The following HMGCLL1 variants were observed in gnomAD, a reference collection of about 807,000 sequenced individuals.
The protein encoded by HMGCLL1 is 3-hydroxymethyl-3-methylglutaryl-CoA lyase, cytoplasmic.
Under a neutral mutation model 39.1 loss-of-function variants are expected in HMGCLL1, and 36 were observed. The ratio of observed to expected loss-of-function variants is 0.92; its 90% CI spans 0.71 to 1.22. The LOEUF is 1.22. Ranked by LOEUF, HMGCLL1 falls within the 50% of genes most tolerant of loss-of-function variation. The pLI, the probability that HMGCLL1 is intolerant of heterozygous loss-of-function variation, is 0.00. For missense variants in HMGCLL1, 451 were observed against 416.5 expected (o/e 1.08, Z -0.72); for synonymous variants, 149 against 144.0 (o/e 1.03, Z -0.25).
At chr6:55,597,244 A>G in the HMGCLL1 span, among the ~76,000 whole-genome samples, 1 of 152,128 alleles carries the variant, frequency 6.6e-6, no homozygotes, top group South Asian at 2.1e-4. Flanking sequence ...TTTCAATTTA[A>G]AAATTCTGAA....
At chr6:55,450,056 T>G (rs1291708583) in intron 7 of HMGCLL1, among the ~76,000 whole-genome samples, 1 of 152,160 alleles carries the variant, frequency 6.6e-6, no homozygotes, top group African/African-American at 2.4e-5. Flanking sequence ...GAGGTTCAAA[T>G]CCTGGGTTTT....
At chr6:55,556,240 TA>T (rs2127467908) in intron 1 of HMGCLL1, among the ~76,000 whole-genome samples, 1 of 152,188 alleles carries the variant, frequency 6.6e-6, no homozygotes, top group African/African-American at 2.4e-5. Context: ...ATAAGTGTTA[TA>T]AAAACAAAGA....
intron 1 of HMGCLL1, among the ~76,000 whole-genome samples, chr6:55,567,038 A>G (rs1263183929): frequency 2.6e-5 from 4 of 152,252 alleles, no homozygotes; most frequent in African/African-American, 9.6e-5. Flanking sequence ...AGAAAACTAA[A>G]TAAAATATAG....
the HMGCLL1 span, among the ~76,000 whole-genome samples, chr6:55,606,903 G>GGA: frequency 5.3e-5 from 8 of 151,964 alleles, no homozygotes; most frequent in African/African-American, 1.9e-4. Context: ...ACAGTGAAAG[G>GGA]GAGAGAGAGA....
chr6:55,574,259 A>C lies in HMGCLL1; in HGVS notation c.108+4689T>G, dbSNP rs192166776. 1.1e-3 allele frequency among the ~76,000 whole-genome samples: 164 copies of C among 152,100 alleles called. 6 individuals carry two copies. The highest frequency in any genetic ancestry group is 0.011 in the Admixed American group (163 of 15,266). On this transcript the variant is annotated intron_variant, in intron 1 of 8. Coordinates refer to ENST00000274901, the MANE Select transcript of HMGCLL1 (RefSeq NM_001042406.2). ...CTGGTTGAAGGAAAGTAATCTGAGGAAAAAATGGAGATGAAGAAAGGAATA... is the reference window on the plus strand; with the variant it reads ...CTGGTTGAAGGAAAGTAATCTGAGGCAAAAATGGAGATGAAGAAAGGAATA...
At chr6:55,440,547 A>T (rs1189347388) in intron 7 of HMGCLL1, among the ~76,000 whole-genome samples, 2 of 152,154 alleles carry the variant, frequency 1.3e-5, no homozygotes. Context: ...TATGAGAAGA[A>T]CAGAGGCAGG....
chr6:55,492,482 T>C (rs7760079), intron 7 of HMGCLL1, among the ~76,000 whole-genome samples: 80,354 of 152,082 alleles, frequency 0.53, 21,490 homozygotes, highest in African/African-American at 0.63. Context: ...ATGTGGCTGT[T>C]TTTCATAAAC....
chr6:55,582,415 A>C (rs1011471503), upstream of HMGCLL1, among the ~76,000 whole-genome samples: 3 of 152,292 alleles, frequency 2.0e-5, no homozygotes, highest in African/African-American at 7.2e-5. Context: ...TTTTGAAAAT[A>C]TATATCTGAT....
chr6:55,579,192 CGCACT>C, upstream of HMGCLL1: 1 of 675,562 alleles, frequency 1.5e-6, no homozygotes, highest in Non-Finnish European at 2.5e-6. Context: ...AGCTGTTCTG[CGCACT>C]GCGGCGGCGC....
At chr6:55,585,180 C>T in the HMGCLL1 span, among the ~76,000 whole-genome samples, 3 of 152,038 alleles carry the variant, frequency 2.0e-5, no homozygotes, top group Non-Finnish European at 2.9e-5. Context: ...ACCAAAATAA[C>T]ACCCCACCCC....
At chr6:55,592,571 G>A in the HMGCLL1 span, among the ~76,000 whole-genome samples, 1 of 151,986 alleles carries the variant, frequency 6.6e-6, no homozygotes, top group South Asian at 2.1e-4. Flanking sequence ...GATTTTAGCA[G>A]AATTCCTGGC....
the HMGCLL1 span, among the ~76,000 whole-genome samples, chr6:55,644,941 A>G: frequency 6.6e-6 from 1 of 151,998 alleles, no homozygotes; most frequent in African/African-American, 2.4e-5. Flanking sequence ...GAAGAATGTC[A>G]TTGGTATTTT....
At chr6:55,614,733 T>G in the HMGCLL1 span, among the ~76,000 whole-genome samples, 1 of 152,294 alleles carries the variant, frequency 6.6e-6, no homozygotes, top group South Asian at 2.1e-4. Context: ...TATAGGTTAC[T>G]TAGTGTATAA....
intron 2 of HMGCLL1, 70 bp downstream of exon 2, chr6:55,541,990 C>T (rs1051237561): frequency 3.3e-5 from 35 of 1,075,094 alleles, no homozygotes; most frequent in Admixed American, 8.5e-5. Context: ...ATATGAAATC[C>T]ATGTAAATCT....
At chr6:55,537,497 G>C (rs113079198) in intron 3 of HMGCLL1, among the ~76,000 whole-genome samples, 20 of 152,278 alleles carry the variant, frequency 1.3e-4, no homozygotes, top group African/African-American at 4.3e-4. Context: ...ATAAAGGCTA[G>C]TTATCAGAAA....
chr6:55,582,074 T>A (rs981893505), upstream of HMGCLL1, among the ~76,000 whole-genome samples: 4 of 152,146 alleles, frequency 2.6e-5, no homozygotes, highest in African/African-American at 9.7e-5. Flanking sequence ...TCTGCTCCAC[T>A]TCCTATCTGT....
intron 1 of HMGCLL1, among the ~76,000 whole-genome samples, chr6:55,572,825 G>C (rs2127477341): frequency 6.6e-6 from 1 of 152,236 alleles, no homozygotes; most frequent in East Asian, 1.9e-4. Flanking sequence ...GACTATATTA[G>C]TTGGATAAAA....
At chr6:55,463,029 C>CTT (rs34168815) in intron 7 of HMGCLL1, among the ~76,000 whole-genome samples, 1 of 136,322 alleles carries the variant, frequency 7.3e-6, no homozygotes, top group Non-Finnish European at 1.6e-5. Context: ...TTTTTTCTTT[C>CTT]TTTTTTTTTT....
chr6:55,641,870 T>A, the HMGCLL1 span, among the ~76,000 whole-genome samples: 34 of 129,640 alleles, frequency 2.6e-4, no homozygotes, highest in African/African-American at 8.0e-4. Flanking sequence ...TTTTTAATTT[T>A]TTTTTATTTT....
Sources: allele counts gnomAD v4.1 joint callset (sites outside exome capture counted in the v4.1 genomes callset), GRCh38; gene constraint gnomAD v4.1.1; transcripts MANE v1.5; gene names NCBI Gene and HGNC (gene_info 2026-07-23, HGNC 2026-07-21).